The following STK32B variants were observed in gnomAD, a reference collection of about 807,000 sequenced individuals.
STK32B encodes serine/threonine-protein kinase 32B.
STK32B carries 43 observed loss-of-function variants against 52.6 expected under a neutral mutation model. The ratio of observed to expected loss-of-function variants is 0.82; its 90% confidence interval spans 0.64 to 1.05. The LOEUF is 1.05. Among genes scored for constraint, STK32B ranks in the 50% least tolerant of loss-of-function variants. STK32B has a pLI of 0.00. For missense variants in STK32B, 621 were observed against 534.6 expected, an observed-to-expected ratio of 1.16 and a Z score of -1.59; for synonymous variants, 238 against 204.3, an observed-to-expected ratio of 1.17 and a Z score of -1.41.
intron 6 of STK32B, chr4:5,436,500 T>C: frequency 1.5e-6 from 1 of 681,496 alleles, no homozygotes; most frequent in Non-Finnish European, 1.8e-6. Flanking sequence ...ATCTGTGGCA[T>C]GTCAGAAAAC....
At chr4:5,225,057 T>C (rs1723776015) in intron 3 of STK32B, among the ~76,000 whole-genome samples, 1 of 152,192 alleles carries the variant, frequency 6.6e-6, no homozygotes, top group Non-Finnish European at 1.5e-5. Flanking sequence ...CTTATGCTGT[T>C]AAAAATTATT....
chr4:5,397,950 G>C (rs959440436), intron 4 of STK32B, among the ~76,000 whole-genome samples: 1 of 152,256 alleles, frequency 6.6e-6, no homozygotes, highest in Admixed American at 6.5e-5. Flanking sequence ...AGCTGGAGCT[G>C]AGAGGCTAAA....
At chr4:5,360,036 G>A (rs1465644600) in intron 4 of STK32B, among the ~76,000 whole-genome samples, 4 of 152,170 alleles carry the variant, frequency 2.6e-5, no homozygotes, top group Non-Finnish European at 5.9e-5. Flanking sequence ...CTACAGGCAG[G>A]AGGAGAGTGA....
At chr4:5,189,983 A>T (rs1399980781) in intron 3 of STK32B, among the ~76,000 whole-genome samples, 1 of 152,168 alleles carries the variant, frequency 6.6e-6, no homozygotes, top group African/African-American at 2.4e-5. Flanking sequence ...CGAATGAACC[A>T]ATTGAAAGAA....
chr4:5,277,908 T>C (rs1449729185), intron 3 of STK32B, among the ~76,000 whole-genome samples: 1 of 152,200 alleles, frequency 6.6e-6, no homozygotes, highest in Non-Finnish European at 1.5e-5. Flanking sequence ...ACTCAGCAGG[T>C]GTTCATTATC....
chr4:5,227,740 C>A (rs939130605), intron 3 of STK32B, among the ~76,000 whole-genome samples: 3 of 152,154 alleles, frequency 2.0e-5, no homozygotes, highest in Non-Finnish European at 4.4e-5. Context: ...TATGTACTTT[C>A]TATTTTGTCA....
At chr4:5,207,479 A>T (rs573875227) in intron 3 of STK32B, among the ~76,000 whole-genome samples, 105 of 151,988 alleles carry the variant, frequency 6.9e-4, no homozygotes, top group African/African-American at 2.4e-3. Flanking sequence ...TTCTGCCATG[A>T]TTGTGAGGCC....
intron 4 of STK32B, among the ~76,000 whole-genome samples, chr4:5,340,361 T>C (rs932628691): frequency 3.3e-5 from 5 of 152,110 alleles, no homozygotes; most frequent in African/African-American, 1.2e-4. Context: ...CCACAGTCGG[T>C]CTGTGATTTG....
At chr4:5,298,697 C>G (rs1194578284) in intron 3 of STK32B, among the ~76,000 whole-genome samples, 3 of 152,168 alleles carry the variant, frequency 2.0e-5, no homozygotes, top group African/African-American at 7.2e-5. Context: ...GCAAGAATTT[C>G]AAGCCATTGG....
chr4:5,125,047 C>G (rs76816321), intron 1 of STK32B, among the ~76,000 whole-genome samples: 10 of 152,214 alleles, frequency 6.6e-5, no homozygotes, highest in African/African-American at 2.4e-4. Flanking sequence ...GTATACTAGA[C>G]AAGCCTCTAG....
At chr4:5,025,001 G>T in the STK32B span, among the ~76,000 whole-genome samples, 1 of 152,144 alleles carries the variant, frequency 6.6e-6, no homozygotes, top group East Asian at 1.9e-4. Context: ...CCCCCAGGCT[G>T]GCCAAACCCT....
chr4:5,174,172 T>C (rs1338717021), intron 3 of STK32B, among the ~76,000 whole-genome samples: 1 of 152,208 alleles, frequency 6.6e-6, no homozygotes, highest in Non-Finnish European at 1.5e-5. Flanking sequence ...TCCTCCATCT[T>C]TCTATTTTGA....
At position 5,317,066 on chromosome 4, in the gene STK32B, ATATAT is replaced by A. The variant is rs1489942000; in HGVS notation, c.261-14148_261-14144del. Among the ~76,000 whole-genome samples, 79 of 43,932 alleles carry A rather than the reference ATATAT, an allele frequency of 1.8e-3. 12 individuals are homozygous for A. The East Asian group carries it at 0.022, about 12-fold the overall frequency. The allele number at this position is 43,932 out of a possible 152,430, so 28.8% of individuals were successfully genotyped here. A position where few individuals can be genotyped will look rare whatever the true frequency, so the allele number is the denominator to read the frequency against. On this transcript the variant is annotated intron_variant, in intron 3 of 11. Coordinates refer to ENST00000282908, the MANE Select transcript of STK32B (RefSeq NM_018401.3). ...TTATATATATAATATATATGATATA[ATATAT>A]TATATATTATATATATAATATATAT...
chr4:5,223,651 A>G (rs905644054), intron 3 of STK32B, among the ~76,000 whole-genome samples: 2 of 151,796 alleles, frequency 1.3e-5, no homozygotes, highest in African/African-American at 4.8e-5. Flanking sequence ...GTCTCTACCA[A>G]AAATACAAAA....
chr4:5,293,478 C>T (rs186297474), intron 3 of STK32B, among the ~76,000 whole-genome samples: 286 of 152,162 alleles, frequency 1.9e-3, no homozygotes, highest in African/African-American at 6.3e-3. Flanking sequence ...TAATGATTGC[C>T]GTTCTAACAG....
At chr4:5,445,960 C>T (rs1715372855) in intron 6 of STK32B, among the ~76,000 whole-genome samples, 2 of 142,166 alleles carry the variant, frequency 1.4e-5, no homozygotes, top group African/African-American at 5.2e-5. Flanking sequence ...AGGCACAGAG[C>T]TCTAAGTGTC....
intron 6 of STK32B, among the ~76,000 whole-genome samples, chr4:5,428,316 G>A (rs1713268108): frequency 6.6e-6 from 1 of 152,086 alleles, no homozygotes; most frequent in Non-Finnish European, 1.5e-5. Context: ...GCTGAGGCAG[G>A]AGAATGGCGT....
chr4:5,249,254 T>G (rs759412993), intron 3 of STK32B, among the ~76,000 whole-genome samples: 2 of 152,180 alleles, frequency 1.3e-5, no homozygotes, highest in Non-Finnish European at 2.9e-5. Context: ...TGGCCATCAG[T>G]TGCTATTACT....
intron 5 of STK32B, among the ~76,000 whole-genome samples, chr4:5,410,858 G>C (rs1382322228): frequency 1.3e-5 from 2 of 152,134 alleles, no homozygotes; most frequent in Admixed American, 6.5e-5. Context: ...AGTTCTGGGG[G>C]CTTGGAAGTC....
Sources: gnomAD v4.1 joint callset for allele counts (sites outside exome capture counted in the v4.1 genomes callset) on GRCh38, gnomAD v4.1.1 for gene constraint, MANE v1.5 for transcripts, NCBI Gene and HGNC (gene_info 2026-07-23, HGNC 2026-07-21) for gene names.